TTC29: variants seen among roughly 807,000 people sequenced by gnomAD.
The protein encoded by TTC29 is tetratricopeptide repeat protein 29.
TTC29 carries 49 observed loss-of-function variants against 58.1 expected under a neutral mutation model. The observed-to-expected ratio is 0.84, with a 90% confidence interval of 0.67 to 1.07. The LOEUF is 1.07. Among genes scored for constraint, TTC29 ranks in the 50% least tolerant of loss-of-function variants. The pLI, the probability that TTC29 is intolerant of heterozygous loss-of-function variation, is 0.00. For missense variants in TTC29, 582 were observed against 555.6 expected (o/e 1.05, Z -0.48); for synonymous variants, 209 against 196.8 (o/e 1.06, Z -0.52).
chr4:146,763,526 T>C (rs1747065985), intron 11 of TTC29, among the ~76,000 whole-genome samples: 2 of 152,066 alleles, frequency 1.3e-5, no homozygotes, highest in Admixed American at 6.6e-5. Flanking sequence ...TTAAGTATTG[T>C]GAGACTGGAA....
intron 12 of TTC29, 84 bp downstream of exon 12, chr4:146,707,401 T>G: frequency 9.7e-7 from 1 of 1,028,424 alleles, no homozygotes; most frequent in South Asian, 1.5e-5. Context: ...AAGCTCCTCT[T>G]TTTGTGTTTG....
At position 146,882,890 on chromosome 4, in the gene TTC29, T is replaced by C. The variant is rs77434512; in HGVS notation, c.587-7962A>G. ...GATGAGTATGGAGGGAGAGAAATAA[T>C]GTTGGTTGAACTTCTACTATGTGCC... is the stretch of plus-strand genomic sequence containing the variant. On this transcript the variant is annotated intron_variant, in intron 6 of 12. Coordinates refer to ENST00000325106, the MANE Select transcript of TTC29 (RefSeq NM_031956.4). Among the ~76,000 whole-genome samples the C allele has an allele frequency of 4.9e-4, 75 of 152,160 alleles. 2 individuals are homozygous for C. The East Asian group carries it at 0.01, about 21-fold the overall frequency.
chr4:146,860,571 T>G (rs1730162653), intron 8 of TTC29, among the ~76,000 whole-genome samples: 1 of 152,114 alleles, frequency 6.6e-6, no homozygotes, highest in Non-Finnish European at 1.5e-5. Context: ...ATATACAGCA[T>G]GGATACTCTC....
chr4:146,936,292 T>C (rs1735811997), intron 4 of TTC29, among the ~76,000 whole-genome samples: 1 of 152,228 alleles, frequency 6.6e-6, no homozygotes, highest in South Asian at 2.1e-4. Flanking sequence ...AAAACTTAAA[T>C]GTCAGTAGAC....
chr4:146,937,671 T>C lies in TTC29; in HGVS notation c.99A>G (p.Gln33=), dbSNP rs983610384. The C allele has an allele frequency of 4.7e-6, 7 of 1,493,994 alleles. No homozygotes were observed. Among genetic ancestry groups the C allele is most frequent in the Admixed American group, 2.2e-5 (1 of 45,722 alleles). 92.5% of individuals were successfully genotyped at this position (1,493,994 alleles called of 1,614,324 possible). A position where few individuals can be genotyped will look rare whatever the true frequency, so the allele number is the denominator to read the frequency against. The change falls in exon 4 of 13, where the codon CAA becomes CAG. Residue 33 remains glutamine (Q), a synonymous_variant. Coordinates refer to ENST00000325106, the MANE Select transcript of TTC29 (RefSeq NM_031956.4). The part of the protein sequence containing the change: ...PCSSRKIPRS[Q]LIKEKDDIDH... The stretch of plus-strand genomic sequence containing the variant: ...CTATGTCATCTTTTTCTTTGATCAA[T>C]TGAGACCTAAATGAAATAGAAAGAA...
At chr4:146,909,657 T>C (rs1304740385) in intron 4 of TTC29, among the ~76,000 whole-genome samples, 1 of 152,202 alleles carries the variant, frequency 6.6e-6, no homozygotes. Context: ...TATTAGTAGT[T>C]TCACTGTATG....
chr4:146,891,361 C>CTA, intron 6 of TTC29, among the ~76,000 whole-genome samples: 1 of 152,212 alleles, frequency 6.6e-6, no homozygotes, highest in South Asian at 2.1e-4. Context: ...GGGAGAAAGG[C>CTA]TATAGAGCTA....
At chr4:146,764,896 G>C (rs957878924) in intron 11 of TTC29, among the ~76,000 whole-genome samples, 1 of 131,964 alleles carries the variant, frequency 7.6e-6, no homozygotes, top group Non-Finnish European at 1.6e-5. Context: ...CAACTGCGAA[G>C]AGAGTTTGTC....
At position 146,707,520 on chromosome 4, in the gene TTC29, T is replaced by C. The variant is rs1245707126; in HGVS notation, c.1362A>G (p.Val454=). Residue 454 remains valine, a synonymous_variant, in exon 12 of 13, where the codon GTA becomes GTG. Transcript: ENST00000325106. ...CTTCCAAACGTTCTGAGTTTTGAGATACAGCTTCCACTGTGGATCCTCTAA... is the reference window on the plus strand; with the variant it reads ...CTTCCAAACGTTCTGAGTTTTGAGACACAGCTTCCACTGTGGATCCTCTAA... ...EEFRGSTVEA[V]SQNSERLEEL... 2.5e-6 allele frequency: 4 copies of C among 1,609,860 alleles called. No homozygotes were observed. Among genetic ancestry groups the C allele is most frequent in the African/African-American group, 2.7e-5 (2 of 74,814 alleles).
chr4:146,892,761 A>G (rs960181886), intron 6 of TTC29, among the ~76,000 whole-genome samples: 3 of 152,224 alleles, frequency 2.0e-5, no homozygotes, highest in Non-Finnish European at 4.4e-5. Context: ...TTTGCAGATG[A>G]CATGACTTTA....
chr4:146,927,113 C>T (rs576967667), intron 4 of TTC29, among the ~76,000 whole-genome samples: 3 of 150,424 alleles, frequency 2.0e-5, no homozygotes, highest in East Asian at 3.9e-4. Context: ...AAGACACTTA[C>T]ATTGCAGTTC....
chr4:146,901,158 C>T (rs564931503), intron 6 of TTC29, among the ~76,000 whole-genome samples: 1 of 152,194 alleles, frequency 6.6e-6, no homozygotes, highest in Non-Finnish European at 1.5e-5. Context: ...GAACTTAACC[C>T]TTTTGTACAG....
intron 11 of TTC29, 55 bp downstream of exon 11, chr4:146,803,402 A>G: frequency 8.2e-7 from 1 of 1,221,672 alleles, no homozygotes; most frequent in Non-Finnish European, 1.1e-6. Flanking sequence ...ATGAAAGTAA[A>G]TTAATCATTG....
chr4:146,804,545 G>C (rs755184814), intron 10 of TTC29, among the ~76,000 whole-genome samples: 3 of 152,076 alleles, frequency 2.0e-5, no homozygotes, highest in Non-Finnish European at 2.9e-5. Flanking sequence ...CGAAGTTGGT[G>C]GGGGGAGGGG....
At chr4:146,715,830 AT>A (rs1238163224) in intron 11 of TTC29, among the ~76,000 whole-genome samples, 1 of 152,194 alleles carries the variant, frequency 6.6e-6, no homozygotes. Flanking sequence ...AATTACCCTG[AT>A]TTGATCATTA....
intron 9 of TTC29, among the ~76,000 whole-genome samples, chr4:146,830,267 C>T (rs981856190): frequency 6.6e-6 from 1 of 152,096 alleles, no homozygotes; most frequent in African/African-American, 2.4e-5. Context: ...AAAACTTGTT[C>T]ACTTATTAAC....
intron 10 of TTC29, chr4:146,812,767 T>C (rs545206985): frequency 3.3e-5 from 5 of 152,222 alleles, no homozygotes; most frequent in Non-Finnish European, 7.3e-5. Context: ...CATTTTAGAA[T>C]GAGATTTTGC....
intron 7 of TTC29, among the ~76,000 whole-genome samples, chr4:146,873,674 G>A (rs1731077746): frequency 1.3e-5 from 2 of 152,182 alleles, no homozygotes; most frequent in South Asian, 2.1e-4. Context: ...TTGGGGGAAG[G>A]TACTAGACCA....
chr4:146,718,537 T>C (rs547825290), intron 11 of TTC29, among the ~76,000 whole-genome samples: 2 of 152,330 alleles, frequency 1.3e-5, no homozygotes, highest in Non-Finnish European at 2.9e-5. Flanking sequence ...TTCAGGTCCC[T>C]AGCCTATTTT....
Sources: gnomAD v4.1 joint callset for allele counts (sites outside exome capture counted in the v4.1 genomes callset) on GRCh38, gnomAD v4.1.1 for gene constraint, MANE v1.5 for transcripts, NCBI Gene and HGNC (gene_info 2026-07-23, HGNC 2026-07-21) for gene names.